Variants in TTC23L observed in about 807,000 individuals in gnomAD.
TTC23L encodes the protein tetratricopeptide repeat domain 23 like, also known as tetratricopeptide repeat protein 23-like.
Under a neutral mutation model 48.1 loss-of-function variants are expected in TTC23L, and 42 were observed. The observed-to-expected ratio is 0.87, with a 90% CI of 0.68 to 1.13. The LOEUF is 1.13. Ranked by LOEUF, TTC23L falls within the 50% of genes most tolerant of loss-of-function variation. The pLI, the probability that TTC23L is intolerant of heterozygous loss-of-function variation, is 0.00. For synonymous variants in TTC23L, 159 were observed against 157.2 expected, an observed-to-expected ratio of 1.01 and a Z score of -0.09; for missense variants, 391 against 421.0, an observed-to-expected ratio of 0.93 and a Z score of 0.62.
the TTC23L span, among the ~76,000 whole-genome samples, chr5:34,911,189 GAACT>G: frequency 6.6e-6 from 1 of 152,144 alleles, no homozygotes; most frequent in Non-Finnish European, 1.5e-5. Flanking sequence ...TCTGCATCCT[GAACT>G]AACTTGAAAA....
chr5:34,864,521 A>G (rs749435303), exon 6 of TTC23L: 2 of 1,613,876 alleles, frequency 1.2e-6, no homozygotes, highest in South Asian at 2.2e-5. Context: ...GTGTTTGTGA[A>G]TTACAAGTCT....
rs908352547 is a variant in TTC23L at position 34,863,529 on chromosome 5, A to G, written c.536+475A>G. ...GATTTTGACTGAGAGGCTCTGAGGT[A>G]CATCTGTTCATTGAAATTTTTAAAA... On this transcript the variant is annotated intron_variant, in intron 5 of 10. Coordinates refer to ENST00000505624, the Ensembl canonical transcript of TTC23L. This position sits in a 1 kb window ranked among gnomAD's most constrained non-coding sequence, Gnocchi z 4.1. Among the ~76,000 whole-genome samples the G allele has an allele frequency of 1.3e-5, 2 of 152,194 alleles. No individual in the cohort carries two copies. Among genetic ancestry groups the G allele is most frequent in the African/African-American group, 4.8e-5 (2 of 41,448 alleles).
chr5:34,885,565 T>C (rs1469463725), intron 9 of TTC23L, among the ~76,000 whole-genome samples: 2 of 152,124 alleles, frequency 1.3e-5, no homozygotes, highest in Middle Eastern at 3.4e-3. Context: ...GGAAACATAG[T>C]GGGACCCCAT....
chr5:34,880,512 T>A (rs1376464269), intron 9 of TTC23L: 1 of 541,626 alleles, frequency 1.8e-6, no homozygotes, highest in Non-Finnish European at 3.2e-6. Context: ...ACTGAGCAAC[T>A]CTGTCCGACA....
chr5:34,880,279 A>G (rs775558739), exon 9 of TTC23L: 5 of 1,612,870 alleles, frequency 3.1e-6, no homozygotes, highest in South Asian at 2.2e-5. Flanking sequence ...AGAATTTTGC[A>G]AATGGCTTGT....
the TTC23L span, chr5:34,914,921 T>A: frequency 6.2e-7 from 1 of 1,612,136 alleles, no homozygotes; most frequent in Non-Finnish European, 8.5e-7. Context: ...CCCCGAGGGA[T>A]GCTCCTGGGG....
At position 34,897,675 on chromosome 5, in the gene TTC23L, G is replaced by T. The variant is rs572758805; in HGVS notation, c.*97+800G>T. Reference sequence around the variant, plus strand: ...TATTTTACATACCTAAAGTCTTTTTGAAATGATCAGTGATTTAAATTTTGG... The same window carrying T: ...TATTTTACATACCTAAAGTCTTTTTTAAATGATCAGTGATTTAAATTTTGG... On this transcript the variant is annotated intron_variant, in intron 10 of 10. Coordinates refer to ENST00000505624, the Ensembl canonical transcript of TTC23L. Among the ~76,000 whole-genome samples the T allele has an allele frequency of 2.6e-5, 4 of 152,178 alleles. No individual in the cohort carries two copies. The South Asian group carries it at 8.3e-4, about 32-fold the overall frequency.
intron 8 of TTC23L, among the ~76,000 whole-genome samples, chr5:34,872,788 C>T (rs750045245): frequency 1.3e-5 from 2 of 152,144 alleles, no homozygotes; most frequent in Non-Finnish European, 2.9e-5. Flanking sequence ...TTGGGCTGGG[C>T]GGAGTGGCTC....
At chr5:34,852,569 C>T (rs1327360509) in intron 4 of TTC23L, among the ~76,000 whole-genome samples, 2 of 152,048 alleles carry the variant, frequency 1.3e-5, no homozygotes, top group Non-Finnish European at 2.9e-5. Context: ...TCGATGAGGG[C>T]ATTGGGTATG....
intron 8 of TTC23L, among the ~76,000 whole-genome samples, chr5:34,872,333 T>C (rs1294583895): frequency 6.6e-6 from 1 of 152,160 alleles, no homozygotes; most frequent in African/African-American, 2.4e-5. Flanking sequence ...GTTTAAATCA[T>C]ACTAGTAATT....
At chr5:34,888,067 G>C (rs1463433263) in intron 9 of TTC23L, among the ~76,000 whole-genome samples, 1 of 152,178 alleles carries the variant, frequency 6.6e-6, no homozygotes, top group Admixed American at 6.5e-5. Context: ...AGGACTCAAG[G>C]TGGAGCCTTC....
chr5:34,843,801 C>CT (rs1758893527), intron 2 of TTC23L, among the ~76,000 whole-genome samples: 1 of 152,154 alleles, frequency 6.6e-6, no homozygotes, highest in Admixed American at 6.5e-5. Context: ...ACTGCACATT[C>CT]TTTTCTCATT....
At chr5:34,882,065 T>C (rs1354352233) in intron 9 of TTC23L, among the ~76,000 whole-genome samples, 2 of 152,160 alleles carry the variant, frequency 1.3e-5, no homozygotes, top group South Asian at 2.1e-4. Context: ...GTTCAGAAGA[T>C]TAACATGAGA....
intron 4 of TTC23L, among the ~76,000 whole-genome samples, chr5:34,855,464 CAG>C (rs1325450383): frequency 6.6e-6 from 1 of 152,050 alleles, no homozygotes; most frequent in African/African-American, 2.4e-5. Flanking sequence ...ACTAGGCTGC[CAG>C]AGAGAATGGG....
At chr5:34,850,572 ACTATTAGTAACCT>A (rs989518393) in intron 4 of TTC23L, among the ~76,000 whole-genome samples, 26 of 152,206 alleles carry the variant, frequency 1.7e-4, no homozygotes, top group African/African-American at 5.5e-4. Flanking sequence ...GGAGGGAGAT[ACTATTAGTAACCT>A]CAGTTTATGG....
intron 2 of TTC23L, among the ~76,000 whole-genome samples, chr5:34,844,443 G>GC (rs1464175346): frequency 7.0e-5 from 1 of 14,346 alleles, no homozygotes; most frequent in South Asian, 2.6e-3. Flanking sequence ...AGCAGCAGCA[G>GC]CAAAAAAAAA....
At chr5:34,841,260 A>C (rs1423513064) in intron 2 of TTC23L, among the ~76,000 whole-genome samples, 3 of 152,184 alleles carry the variant, frequency 2.0e-5, no homozygotes, top group Non-Finnish European at 4.4e-5. Context: ...TTAATGAGAA[A>C]ATTTTTATGA....
At chr5:34,842,400 G>A (rs1181232383) in intron 2 of TTC23L, among the ~76,000 whole-genome samples, 3 of 151,386 alleles carry the variant, frequency 2.0e-5, no homozygotes, top group East Asian at 1.9e-4. Context: ...GTTGCTGTTT[G>A]GGGGGCCCCT....
At chr5:34,915,430 C>G in the TTC23L span, 1 of 312,938 alleles carries the variant, frequency 3.2e-6, no homozygotes, top group South Asian at 4.9e-5. Flanking sequence ...GCGGTGGGGT[C>G]TGGACGCCCG....
Sources: allele counts gnomAD v4.1 joint callset (sites outside exome capture counted in the v4.1 genomes callset), GRCh38; gene constraint gnomAD v4.1.1; non-coding constraint Gnocchi (gnomAD v3.1); transcripts MANE v1.5; gene names NCBI Gene and HGNC (gene_info 2026-07-23, HGNC 2026-07-21).